CAB39: variants seen among roughly 807,000 people sequenced by gnomAD.
CAB39 encodes calcium binding protein 39.
Under a neutral mutation model 40.0 loss-of-function variants are expected in CAB39, and 8 were observed. The ratio of observed to expected loss-of-function variants is 0.20; its 90% confidence interval spans 0.12 to 0.36. The LOEUF is 0.36. Among genes scored for constraint, CAB39 ranks in the 10% least tolerant of loss-of-function variants. CAB39 has a pLI of 1.00. For missense variants in CAB39, 270 were observed against 401.1 expected (o/e 0.67, Z 2.79); for synonymous variants, 156 against 141.6 (o/e 1.10, Z -0.72).
chr2:230,766,938 C>CA (rs1293952163), intron 2 of CAB39, among the ~76,000 whole-genome samples: 31 of 151,978 alleles, frequency 2.0e-4, no homozygotes, highest in Admixed American at 3.3e-4. Flanking sequence ...ACTATAGCAG[C>CA]AAAAAAATAA....
intron 1 of CAB39, among the ~76,000 whole-genome samples, chr2:230,751,016 A>G (rs1695076414): frequency 6.6e-6 from 1 of 152,244 alleles, no homozygotes; most frequent in African/African-American, 2.4e-5. Context: ...AGTATCTGTA[A>G]ATAGTTATTG....
chr2:230,782,813 CTTTT>C lies in CAB39; in HGVS notation c.115-8043_115-8040del, dbSNP rs1212977897. On this transcript the variant is annotated intron_variant, in intron 2 of 8. Coordinates refer to ENST00000258418, the MANE Select transcript of CAB39 (RefSeq NM_016289.4). ...TGTTTCTTTCTTTCTTTCTTTCTTT[CTTTT>C]TTTTTTTTTTTTTTTGAGAAGAAGG... 5.4e-3 allele frequency among the ~76,000 whole-genome samples: 439 copies of C among 81,746 alleles called. 4 individuals are homozygous for C. The highest frequency in any genetic ancestry group is 0.026 in the African/African-American group (413 of 15,988). The allele number at this position is 81,746 out of a possible 152,430, so 53.6% of individuals were successfully genotyped here. A position where few individuals can be genotyped will look rare whatever the true frequency, so the allele number is the denominator to read the frequency against.
At chr2:230,761,240 CA>C (rs1452479788) in intron 2 of CAB39, among the ~76,000 whole-genome samples, 1 of 152,116 alleles carries the variant, frequency 6.6e-6, no homozygotes, top group Non-Finnish European at 1.5e-5. Flanking sequence ...ATTGAAGTAT[CA>C]AAAGGCAAAG....
At chr2:230,761,217 G>T (rs1178912163) in intron 2 of CAB39, among the ~76,000 whole-genome samples, 2 of 152,180 alleles carry the variant, frequency 1.3e-5, no homozygotes, top group Non-Finnish European at 2.9e-5. Flanking sequence ...TGCATTAAAT[G>T]AAGTTTGTGT....
intron 1 of CAB39, among the ~76,000 whole-genome samples, chr2:230,749,669 AT>A (rs1332433895): frequency 6.6e-6 from 1 of 152,162 alleles, no homozygotes; most frequent in Non-Finnish European, 1.5e-5. Flanking sequence ...AGAAGCATTG[AT>A]TTTAAATGAC....
rs1236974074 is a variant in CAB39, at chr2:230,819,024, T to C, written c.*320T>C. 15 of 260,184 alleles carry C rather than the reference T, an allele frequency of 5.8e-5. No homozygotes were observed. The allele number at this position is 260,184 out of a possible 1,614,324, so 16.1% of individuals were successfully genotyped here. A position where few individuals can be genotyped will look rare whatever the true frequency, so the allele number is the denominator to read the frequency against. ...TGTGGTTTAGGAAAGAGGGCACTGA[T>C]ATCAGATTAGACCTATGTGTTTGCA... On this transcript the variant is annotated 3_prime_UTR_variant, in exon 9 of 9. Transcript: ENST00000258418.
chr2:230,745,320 T>C (rs1462790894), intron 1 of CAB39, among the ~76,000 whole-genome samples: 1 of 152,198 alleles, frequency 6.6e-6, no homozygotes, highest in Non-Finnish European at 1.5e-5. Flanking sequence ...TTAAAAAAAT[T>C]TGAAGTCTTT....
chr2:230,725,335 C>T, intron 1 of CAB39: 2 of 1,581,062 alleles, frequency 1.3e-6, no homozygotes, highest in South Asian at 2.2e-5. Context: ...CAATCCCAGC[C>T]AGGCTCCCCA....
At chr2:230,745,680 G>A (rs1246325347) in intron 1 of CAB39, among the ~76,000 whole-genome samples, 1 of 152,104 alleles carries the variant, frequency 6.6e-6, no homozygotes, top group Non-Finnish European at 1.5e-5. Context: ...AGGCTGGAGT[G>A]CAGTGGTGCC....
intron 2 of CAB39, among the ~76,000 whole-genome samples, chr2:230,770,906 G>A (rs1472999307): frequency 6.6e-6 from 1 of 152,118 alleles, no homozygotes; most frequent in African/African-American, 2.4e-5. Flanking sequence ...CTGATAAAGG[G>A]CATCTGCAAA....
rs371657461 is a variant in CAB39, at chr2:230,760,030, A to C, written c.29A>C (p.Lys10Thr). The change falls in exon 2 of 9, where the codon AAA becomes ACA. Residue 10 changes from lysine (K) to threonine (T), a missense_variant. Coordinates refer to ENST00000258418, the MANE Select transcript of CAB39 (RefSeq NM_016289.4). MPFPFGKSH[K>T]SPADIVKNLK... ...CCGTTCCCGTTTGGGAAGTCTCACA[A>C]ATCTCCAGCAGACATTGTGAAGAAT... The C allele has an allele frequency of 2.5e-6, 4 of 1,613,392 alleles. No homozygotes were observed. Among genetic ancestry groups the C allele is most frequent in the African/African-American group, 1.3e-5 (1 of 74,908 alleles).
intron 5 of CAB39, among the ~76,000 whole-genome samples, chr2:230,802,147 C>G (rs375836983): frequency 1.3e-5 from 2 of 152,120 alleles, no homozygotes; most frequent in East Asian, 3.8e-4. Context: ...ACTGAACAAC[C>G]TGCTCCTGAA....
At chr2:230,744,108 AC>A (rs1041438008) in intron 1 of CAB39, among the ~76,000 whole-genome samples, 1 of 151,650 alleles carries the variant, frequency 6.6e-6, no homozygotes, top group African/African-American at 2.4e-5. Flanking sequence ...TTTAGTAGAA[AC>A]GGGTTCACCA....
intron 5 of CAB39, 174 bp downstream of exon 5, chr2:230,799,071 A>G (rs1696039555): frequency 3.9e-6 from 2 of 509,064 alleles, no homozygotes; most frequent in East Asian, 3.1e-5. Context: ...CAGCTTTAAA[A>G]GGGTGGAAAA....
chr2:230,730,831 T>C (rs1694675634), intron 1 of CAB39, among the ~76,000 whole-genome samples: 1 of 152,122 alleles, frequency 6.6e-6, no homozygotes, highest in Non-Finnish European at 1.5e-5. Flanking sequence ...CTAAGAAAAA[T>C]GTGTGAAAAA....
At position 230,737,883 on chromosome 2, in the gene CAB39, C is replaced by G. The variant is rs1031737049; in HGVS notation, c.-43-22076C>G. 3.3e-5 allele frequency among the ~76,000 whole-genome samples: 5 copies of G among 152,206 alleles called. No individual in the cohort carries two copies. The South Asian group carries it at 6.2e-4, about 19-fold the overall frequency. On this transcript the variant is annotated intron_variant, in intron 1 of 8. Transcript: ENST00000258418. Reference sequence around the variant, plus strand: ...GTCAACACTTACCTGGAAAGCACCACTCCATAAAGTGTGGAATGTTCTTTG... The same window carrying G: ...GTCAACACTTACCTGGAAAGCACCAGTCCATAAAGTGTGGAATGTTCTTTG...
chr2:230,729,675 C>A (rs1034231981), intron 1 of CAB39, among the ~76,000 whole-genome samples: 16 of 151,768 alleles, frequency 1.1e-4, no homozygotes, highest in Non-Finnish European at 1.3e-4. Context: ...ACAGCTTGAA[C>A]CCGGGAGGTG....
At chr2:230,737,195 G>A (rs1033076286) in intron 1 of CAB39, among the ~76,000 whole-genome samples, 1 of 152,154 alleles carries the variant, frequency 6.6e-6, no homozygotes, top group African/African-American at 2.4e-5. Context: ...AACCCAATAT[G>A]TAAAACTGAT....
At chr2:230,806,786 A>G (rs1316914224) in intron 5 of CAB39, among the ~76,000 whole-genome samples, 4 of 152,182 alleles carry the variant, frequency 2.6e-5, no homozygotes, top group African/African-American at 9.7e-5. Flanking sequence ...ACAACTGGAA[A>G]AATTGAGTTT....
Sources: allele counts gnomAD v4.1 joint callset (sites outside exome capture counted in the v4.1 genomes callset), GRCh38; gene constraint gnomAD v4.1.1; transcripts MANE v1.5; gene names NCBI Gene and HGNC (gene_info 2026-07-23, HGNC 2026-07-21).